The following PIK3AP1 variants were observed in gnomAD, a reference collection of about 807,000 sequenced individuals.
PIK3AP1 encodes the protein phosphoinositide-3-kinase adaptor protein 1.
Under a neutral mutation model 88.1 loss-of-function variants are expected in PIK3AP1, and 21 were observed. The observed-to-expected ratio is 0.24, with a 90% CI of 0.17 to 0.34. PIK3AP1 has a LOEUF of 0.34. PIK3AP1 is among the 10% of genes least tolerant of loss of function. The probability of loss-of-function intolerance (pLI) is 1.00; values close to 1 mark genes in which losing one functional copy is unlikely to be tolerated. For synonymous variants in PIK3AP1, 398 were observed against 400.0 expected, an observed-to-expected ratio of 1.00 and a Z score of 0.06; for missense variants, 828 against 1,035.7, an observed-to-expected ratio of 0.80 and a Z score of 2.75.
chr10:96,692,819 C>T (rs1844171998), intron 2 of PIK3AP1, among the ~76,000 whole-genome samples: 1 of 152,126 alleles, frequency 6.6e-6, no homozygotes, highest in Non-Finnish European at 1.5e-5. Context: ...AACTTATTTT[C>T]TTAATGTTCA....
intron 2 of PIK3AP1, among the ~76,000 whole-genome samples, chr10:96,703,678 T>C (rs17484875): frequency 0.12 from 18,484 of 152,222 alleles, 1,418 homozygotes; most frequent in South Asian, 0.23. Flanking sequence ...AAAATAATCT[T>C]CCAACAAGTC....
intron 11 of PIK3AP1, 46 bp downstream of exon 11, chr10:96,623,426 A>G (rs1374539893): frequency 6.6e-7 from 1 of 1,514,132 alleles, no homozygotes; most frequent in East Asian, 2.3e-5. Flanking sequence ...TGACCTATGA[A>G]CACTTCAACC....
intron 2 of PIK3AP1, among the ~76,000 whole-genome samples, chr10:96,661,970 CAA>C (rs1241440091): frequency 1.3e-5 from 2 of 151,896 alleles, no homozygotes; most frequent in Admixed American, 1.3e-4. Flanking sequence ...AATAAATAAA[CAA>C]ATTTTAAAAA....
intron 14 of PIK3AP1, among the ~76,000 whole-genome samples, chr10:96,605,908 A>AC (rs1208167956): frequency 2.6e-5 from 4 of 152,048 alleles, no homozygotes; most frequent in Non-Finnish European, 5.9e-5. Flanking sequence ...AGATGGTGAA[A>AC]CCCCGTATCT....
intron 8 of PIK3AP1, among the ~76,000 whole-genome samples, chr10:96,641,500 C>T (rs1010066102): frequency 3.3e-5 from 5 of 152,140 alleles, no homozygotes; most frequent in Non-Finnish European, 7.4e-5. Flanking sequence ...TATTTTCAGC[C>T]TCCAGGGTTA....
chr10:96,684,418 G>A (rs1844042582), intron 2 of PIK3AP1, among the ~76,000 whole-genome samples: 1 of 152,220 alleles, frequency 6.6e-6, no homozygotes, highest in African/African-American at 2.4e-5. Flanking sequence ...CCCTGAGCGA[G>A]GCTTGTGCTG....
chr10:96,659,477 A>G (rs190423521), intron 2 of PIK3AP1, among the ~76,000 whole-genome samples: 1 of 152,252 alleles, frequency 6.6e-6, no homozygotes, highest in Non-Finnish European at 1.5e-5. Flanking sequence ...TTACTGGCCC[A>G]CTAGTCTATA....
At chr10:96,611,269 G>T (rs928720919) in intron 13 of PIK3AP1, among the ~76,000 whole-genome samples, 4 of 152,156 alleles carry the variant, frequency 2.6e-5, no homozygotes, top group Admixed American at 2.0e-4. Context: ...GCTTCCTAGG[G>T]TTTTGTGTAA....
chr10:96,670,747 T>C (rs878941117), intron 2 of PIK3AP1, among the ~76,000 whole-genome samples: 1 of 152,220 alleles, frequency 6.6e-6, no homozygotes, highest in Non-Finnish European at 1.5e-5. Context: ...TTATTTTTCT[T>C]AAGTTGAAAA....
chr10:96,683,314 T>C (rs763132785), intron 2 of PIK3AP1, among the ~76,000 whole-genome samples: 10 of 152,198 alleles, frequency 6.6e-5, no homozygotes, highest in Admixed American at 4.6e-4. Context: ...GTAAGGAGAG[T>C]ACGCCACAGA....
chr10:96,697,362 G>A (rs2134279706), intron 2 of PIK3AP1, among the ~76,000 whole-genome samples: 1 of 152,194 alleles, frequency 6.6e-6, no homozygotes, highest in African/African-American at 2.4e-5. Flanking sequence ...TACCCTACTT[G>A]GATTATCTGA....
intron 8 of PIK3AP1, among the ~76,000 whole-genome samples, chr10:96,642,470 A>AAG (rs1843405017): frequency 6.6e-6 from 1 of 150,480 alleles, no homozygotes; most frequent in Non-Finnish European, 1.5e-5. Context: ...AAAAAAGAGA[A>AAG]AGAAAGAAAG....
At chr10:96,659,241 T>A (rs988745770) in intron 2 of PIK3AP1, among the ~76,000 whole-genome samples, 1 of 152,202 alleles carries the variant, frequency 6.6e-6, no homozygotes, top group Non-Finnish European at 1.5e-5. Context: ...AGTAATCCCA[T>A]GGACTTGAAA....
intron 2 of PIK3AP1, among the ~76,000 whole-genome samples, chr10:96,676,118 T>C (rs1046587097): frequency 4.6e-5 from 7 of 152,152 alleles, no homozygotes; most frequent in African/African-American, 1.7e-4. Context: ...CGTGGTTCAC[T>C]GGCAGTGTCC....
At chr10:96,698,308 G>A (rs78409276) in intron 2 of PIK3AP1, among the ~76,000 whole-genome samples, 17,144 of 152,116 alleles carry the variant, frequency 0.11, 1,170 homozygotes, top group Admixed American at 0.21. Context: ...AAAGAAGGGG[G>A]GAGTGGGAAG....
intron 3 of PIK3AP1, 91 bp from the exon 4 acceptor site, chr10:96,652,933 C>G: frequency 7.0e-7 from 1 of 1,422,636 alleles, no homozygotes; most frequent in Non-Finnish European, 9.5e-7. Flanking sequence ...CTTGCCCTAG[C>G]TCTACCTAGT....
At position 96,625,817 on chromosome 10, in the gene PIK3AP1, C is replaced by T. The variant is rs548578384; in HGVS notation, c.1669+891G>A. ...AAGCTGGAATGCAGTGGCTCAATCTCGGCTCACTGTAACCTACACCTCCCA... is the reference window on the plus strand; with the variant it reads ...AAGCTGGAATGCAGTGGCTCAATCTTGGCTCACTGTAACCTACACCTCCCA... On this transcript the variant is annotated intron_variant, in intron 10 of 16. Coordinates refer to ENST00000339364, the MANE Select transcript of PIK3AP1 (RefSeq NM_152309.3). Among the ~76,000 whole-genome samples the T allele has an allele frequency of 3.9e-5, 6 of 152,302 alleles. No individual in the cohort carries two copies. The South Asian group carries it at 8.3e-4, about 21-fold the overall frequency.
chr10:96,606,273 C>G (rs1396467426), intron 14 of PIK3AP1, among the ~76,000 whole-genome samples: 1 of 152,202 alleles, frequency 6.6e-6, no homozygotes, highest in African/African-American at 2.4e-5. Context: ...CCCCACATTC[C>G]CCCAACTAAA....
At chr10:96,680,467 A>C (rs1334014456) in intron 2 of PIK3AP1, among the ~76,000 whole-genome samples, 2 of 151,810 alleles carry the variant, frequency 1.3e-5, no homozygotes, top group Non-Finnish European at 2.9e-5. Flanking sequence ...CCCACCCTCC[A>C]CCCTCAGGAA....
Sources: allele counts gnomAD v4.1 joint callset (sites outside exome capture counted in the v4.1 genomes callset), GRCh38; gene constraint gnomAD v4.1.1; transcripts MANE v1.5; gene names NCBI Gene and HGNC (gene_info 2026-07-23, HGNC 2026-07-21).